The following PLEKHG1 variants were observed in gnomAD, a reference collection of about 807,000 sequenced individuals.
PLEKHG1 encodes pleckstrin homology domain-containing family G member 1.
PLEKHG1 carries 44 observed loss-of-function variants against 100.8 expected under a neutral mutation model. That is an observed-to-expected ratio of 0.44 (90% CI 0.34 to 0.56). The LOEUF is 0.56. PLEKHG1 is among the 20% of genes least tolerant of loss of function. PLEKHG1 has a pLI of 0.01. For synonymous variants in PLEKHG1, 640 were observed against 662.5 expected (o/e 0.97, Z 0.52); for missense variants, 1,545 against 1,720.9 (o/e 0.90, Z 1.81).
intron 2 of PLEKHG1, among the ~76,000 whole-genome samples, chr6:150,754,074 A>G (rs148400161): frequency 1.4e-3 from 215 of 152,346 alleles, no homozygotes; most frequent in African/African-American, 5.1e-3. Flanking sequence ...GCACTACATG[A>G]TGATGACCCT....
chr6:150,698,452 A>C (rs1273360759), intron 3 of PLEKHG1, among the ~76,000 whole-genome samples: 1 of 151,820 alleles, frequency 6.6e-6, no homozygotes, highest in Non-Finnish European at 1.5e-5. Flanking sequence ...TAGCATATAA[A>C]GGGTTTGACT....
intron 2 of PLEKHG1, among the ~76,000 whole-genome samples, chr6:150,761,326 G>C (rs531279642): frequency 1.3e-5 from 2 of 151,656 alleles, no homozygotes; most frequent in African/African-American, 4.8e-5. Context: ...GGATGGTCTC[G>C]ATTACTTGAC....
chr6:150,751,792 G>A (rs1937982929), intron 2 of PLEKHG1, among the ~76,000 whole-genome samples: 1 of 152,158 alleles, frequency 6.6e-6, no homozygotes, highest in African/African-American at 2.4e-5. Flanking sequence ...GATCCTCTTG[G>A]TAGTTTTTAC....
At chr6:150,778,050 C>G (rs1785093672) in intron 3 of PLEKHG1, among the ~76,000 whole-genome samples, 1 of 152,218 alleles carries the variant, frequency 6.6e-6, no homozygotes, top group African/African-American at 2.4e-5. Context: ...TCTCTGTTGC[C>G]CACCAAATTC....
chr6:150,664,404 A>G (rs1779321368), intron 3 of PLEKHG1: 1 of 152,240 alleles, frequency 6.6e-6, no homozygotes, highest in Non-Finnish European at 1.5e-5. Flanking sequence ...TGTAGAAGAA[A>G]CAAGGAAGTG....
intron 1 of PLEKHG1, among the ~76,000 whole-genome samples, chr6:150,630,409 T>C (rs189260726): frequency 6.6e-6 from 1 of 152,166 alleles, no homozygotes; most frequent in Admixed American, 6.5e-5. Flanking sequence ...TGGTGAACCA[T>C]GGTTGAGTGT....
rs575070767 is a variant in PLEKHG1, at chr6:150,711,025, C to T, written c.-98-22559C>T. On this transcript the variant is annotated intron_variant, in intron 3 of 3. Coordinates refer to the PLEKHG1 transcript ENST00000367326. ...AACTCTGTGCCTTTTGAGGACGCAG[C>T]GATGTTGATGTACCTGAAAGTCTGA... 3.9e-5 allele frequency among the ~76,000 whole-genome samples: 6 copies of T among 152,222 alleles called. No homozygotes were observed. In the East Asian group the frequency reaches 7.7e-4, roughly 20 times the overall value.
intron 2 of PLEKHG1, among the ~76,000 whole-genome samples, chr6:150,742,564 CAAAAAAAAAAA>C (rs58003146): frequency 2.7e-4 from 13 of 48,354 alleles, no homozygotes; most frequent in African/African-American, 6.8e-4. Context: ...GACTCCATCT[CAAAAAAAAAAA>C]AAAAAAAAAA....
At chr6:150,650,404 T>C (rs1463840952) in intron 2 of PLEKHG1, among the ~76,000 whole-genome samples, 5 of 152,248 alleles carry the variant, frequency 3.3e-5, no homozygotes, top group Non-Finnish European at 7.3e-5. Context: ...AGCTATTGTA[T>C]GTTCAAGTCT....
chr6:150,682,351 T>G (rs1317208581), intron 3 of PLEKHG1, among the ~76,000 whole-genome samples: 2 of 152,166 alleles, frequency 1.3e-5, no homozygotes, highest in Non-Finnish European at 1.5e-5. Context: ...AGTGGCCACA[T>G]GAGAAACCAA....
At chr6:150,619,968 A>G (rs1372424381) in intron 1 of PLEKHG1, among the ~76,000 whole-genome samples, 2 of 152,210 alleles carry the variant, frequency 1.3e-5, no homozygotes, top group African/African-American at 4.8e-5. Context: ...TGTGTTTTGA[A>G]TTAAGGAGAG....
chr6:150,650,058 CAA>C (rs11330738), intron 2 of PLEKHG1, among the ~76,000 whole-genome samples: 6,131 of 126,600 alleles, frequency 0.048, 268 homozygotes, highest in East Asian at 0.11. Flanking sequence ...AACTTTGTCT[CAA>C]AAAAAAAAAA....
At chr6:150,608,056 T>C (rs1261195982) in intron 1 of PLEKHG1, among the ~76,000 whole-genome samples, 1 of 152,190 alleles carries the variant, frequency 6.6e-6, no homozygotes, top group Non-Finnish European at 1.5e-5. Context: ...TATCTGACCT[T>C]GAAGCTGAAA....
At chr6:150,712,768 T>C (rs1781285644) in intron 3 of PLEKHG1, among the ~76,000 whole-genome samples, 1 of 152,218 alleles carries the variant, frequency 6.6e-6, no homozygotes, top group African/African-American at 2.4e-5. Context: ...TAATTAAACA[T>C]AAGATGAAAG....
At chr6:150,682,035 A>G (rs1248104990) in intron 3 of PLEKHG1, among the ~76,000 whole-genome samples, 1 of 152,190 alleles carries the variant, frequency 6.6e-6, no homozygotes, top group East Asian at 1.9e-4. Flanking sequence ...ACTCTGCCTC[A>G]GTACATCTGA....
At chr6:150,829,428 G>C (rs1018780776) in intron 14 of PLEKHG1, among the ~76,000 whole-genome samples, 13 of 152,128 alleles carry the variant, frequency 8.5e-5, no homozygotes, top group Non-Finnish European at 1.5e-5. Flanking sequence ...GACCAGCCTG[G>C]CCAACACAGC....
At chr6:150,696,559 G>A (rs1179352129) in intron 3 of PLEKHG1, among the ~76,000 whole-genome samples, 3 of 152,060 alleles carry the variant, frequency 2.0e-5, no homozygotes, top group East Asian at 3.9e-4. Context: ...CTTCAGCCCC[G>A]TTAATCTGAC....
At chr6:150,781,829 T>C (rs1313846040) in intron 3 of PLEKHG1, among the ~76,000 whole-genome samples, 19 of 151,412 alleles carry the variant, frequency 1.3e-4, no homozygotes, top group Non-Finnish European at 2.2e-4. Flanking sequence ...TGGAGTGCAG[T>C]GGCCCGATCT....
At chr6:150,663,441 G>A (rs905044540) in intron 3 of PLEKHG1, 1 of 151,964 alleles carries the variant, frequency 6.6e-6, no homozygotes, top group Non-Finnish European at 1.5e-5. Context: ...TAGATTTATA[G>A]TGCAATGAAG....
Sources: gnomAD v4.1 joint callset for allele counts (sites outside exome capture counted in the v4.1 genomes callset) on GRCh38, gnomAD v4.1.1 for gene constraint, MANE v1.5 for transcripts, NCBI Gene and HGNC (gene_info 2026-07-23, HGNC 2026-07-21) for gene names.